The following APBA2 variants were observed in gnomAD, a reference collection of about 807,000 sequenced individuals.
APBA2 encodes the protein amyloid beta precursor protein binding family A member 2.
APBA2 carries 30 observed loss-of-function variants against 75.0 expected under a neutral mutation model. The ratio of observed to expected loss-of-function variants is 0.40; its 90% CI spans 0.30 to 0.54. The LOEUF (loss-of-function observed/expected upper bound fraction) is 0.54. APBA2 is among the 20% of genes least tolerant of loss of function. The probability of loss-of-function intolerance (pLI) is 0.49; values close to 1 mark genes in which losing one functional copy is unlikely to be tolerated. For synonymous variants in APBA2, 444 were observed against 409.6 expected, an observed-to-expected ratio of 1.08 and a Z score of -1.01; for missense variants, 801 against 1,016.1, an observed-to-expected ratio of 0.79 and a Z score of 2.88.
intron 3 of APBA2, among the ~76,000 whole-genome samples, chr15:29,017,713 C>T (rs2039745971): frequency 6.6e-6 from 1 of 152,162 alleles, no homozygotes; most frequent in South Asian, 2.1e-4. Context: ...GATAGTTCAA[C>T]GACTTTAAAT....
intron 4 of APBA2, among the ~76,000 whole-genome samples, chr15:29,059,321 G>A (rs1343013481): frequency 6.6e-6 from 1 of 152,294 alleles, no homozygotes; most frequent in Middle Eastern, 3.4e-3. Context: ...ACATGTGCTA[G>A]AGAAGCTTCC....
chr15:28,976,244 C>A (rs370509699), intron 2 of APBA2, among the ~76,000 whole-genome samples: 1 of 152,196 alleles, frequency 6.6e-6, no homozygotes. Context: ...CAGCTTGGGG[C>A]TTTTCTCTAT....
intron 3 of APBA2, among the ~76,000 whole-genome samples, chr15:29,027,724 A>G (rs1447706209): frequency 6.6e-6 from 1 of 151,108 alleles, no homozygotes; most frequent in Non-Finnish European, 1.5e-5. Flanking sequence ...GCCTCAGCCC[A>G]CCGAGTAGCT....
In APBA2 at chr15:28,914,066, T is replaced by C. The variant is rs147779839; in HGVS notation, c.-204-7574T>C. The stretch of plus-strand genomic sequence containing the variant: ...AACATTGGGTTTTTAAAAAATATTT[T>C]AGTCTTCTATTGTGTCTAGTCTGAA... On this transcript the variant is annotated intron_variant, in intron 1 of 14. Transcript: ENST00000683413. Among the ~76,000 whole-genome samples the C allele has an allele frequency of 6.2e-3, 949 of 152,360 alleles. 11 individuals carry two copies. The highest frequency in any genetic ancestry group is 0.022 in the African/African-American group (911 of 41,590).
intron 1 of APBA2, among the ~76,000 whole-genome samples, chr15:28,888,306 T>C (rs1267782276): frequency 6.6e-6 from 1 of 151,740 alleles, no homozygotes; most frequent in Non-Finnish European, 1.5e-5. Flanking sequence ...CTGAGAGGGG[T>C]GATAAGACAC....
At position 28,998,875 on chromosome 15, in the gene APBA2, G is replaced by A. The variant is rs1044720289; in HGVS notation, c.-41+3069G>A. 7.2e-5 allele frequency among the ~76,000 whole-genome samples: 11 copies of A among 152,336 alleles called. No individual in the cohort carries two copies. The East Asian group carries it at 1.5e-3, about 21-fold the overall frequency. ...AGAATTAAAGGCCTATGCCGGGCAC[G>A]GTGGTTCACACCTGTAATCCCAGCA... On this transcript the variant is annotated intron_variant, in intron 3 of 14. Coordinates refer to ENST00000683413, the MANE Select transcript of APBA2 (RefSeq NM_001353788.2).
intron 1 of APBA2, among the ~76,000 whole-genome samples, chr15:28,913,289 A>T (rs1169039922): frequency 3.3e-5 from 5 of 152,148 alleles, no homozygotes; most frequent in Non-Finnish European, 7.3e-5. Flanking sequence ...CAGTAGCTCG[A>T]GGAGCAGGCG....
At chr15:28,995,318 C>A (rs1181530458) in intron 2 of APBA2, among the ~76,000 whole-genome samples, 1 of 152,184 alleles carries the variant, frequency 6.6e-6, no homozygotes, top group Non-Finnish European at 1.5e-5. Context: ...TTCCTCTCTT[C>A]ACTTTCATCG....
intron 14 of APBA2, 61 bp downstream of exon 14, chr15:29,114,077 C>T (rs2044902330): frequency 6.2e-7 from 1 of 1,609,858 alleles, no homozygotes; most frequent in East Asian, 2.2e-5. Context: ...CGCCTGCCCT[C>T]CATGAGCCTC....
chr15:29,063,895 A>C (rs901187604), intron 4 of APBA2, among the ~76,000 whole-genome samples: 1 of 151,900 alleles, frequency 6.6e-6, no homozygotes, highest in Non-Finnish European at 1.5e-5. Context: ...AGATAGGATG[A>C]GAGGAGGACC....
At chr15:29,098,995 A>G (rs543178612) in intron 9 of APBA2, among the ~76,000 whole-genome samples, 172 of 151,918 alleles carry the variant, frequency 1.1e-3, no homozygotes, top group African/African-American at 4.0e-3. Context: ...TCCTCATCCC[A>G]TGTCTGTCCT....
At chr15:29,074,796 C>G in intron 4 of APBA2, 125 bp from the exon 5 acceptor site, 1 of 762,062 alleles carries the variant, frequency 1.3e-6, no homozygotes, top group South Asian at 1.5e-5. Flanking sequence ...CGTCTGCACA[C>G]ACACCTATAC....
chr15:29,023,118 A>G (rs60958548), intron 3 of APBA2, among the ~76,000 whole-genome samples: 13,912 of 152,092 alleles, frequency 0.091, 748 homozygotes, highest in East Asian at 0.24. Flanking sequence ...TAAAGACAGG[A>G]ATATTGTCTG....
chr15:28,972,738 C>T (rs538650089), intron 2 of APBA2, among the ~76,000 whole-genome samples: 1 of 152,300 alleles, frequency 6.6e-6, no homozygotes, highest in African/African-American at 2.4e-5. Context: ...ATGGTCTGCC[C>T]TGGTTGCAGG....
chr15:28,993,046 G>C (rs2038318432), intron 2 of APBA2, among the ~76,000 whole-genome samples: 1 of 152,212 alleles, frequency 6.6e-6, no homozygotes, highest in Non-Finnish European at 1.5e-5. Context: ...AGGATGGAGT[G>C]ATGTGCTTGG....
At chr15:29,044,942 C>G (rs1177356272) in intron 3 of APBA2, among the ~76,000 whole-genome samples, 2 of 152,122 alleles carry the variant, frequency 1.3e-5, no homozygotes, top group African/African-American at 4.8e-5. Context: ...GGTCTGTCTG[C>G]TTTCTGGTTC....
intron 8 of APBA2, among the ~76,000 whole-genome samples, chr15:29,095,041 T>G: frequency 6.6e-6 from 1 of 151,270 alleles, no homozygotes; most frequent in Non-Finnish European, 1.5e-5. Flanking sequence ...CACTCCAGCC[T>G]GGGCGACAGA....
intron 6 of APBA2, among the ~76,000 whole-genome samples, chr15:29,080,887 C>T (rs1489860697): frequency 6.6e-6 from 1 of 152,212 alleles, no homozygotes; most frequent in African/African-American, 2.4e-5. Flanking sequence ...TTGTTCTCCT[C>T]ATCCAAAGCT....
chr15:28,933,766 C>G (rs1205819612), intron 2 of APBA2, among the ~76,000 whole-genome samples: 1 of 152,248 alleles, frequency 6.6e-6, no homozygotes, highest in African/African-American at 2.4e-5. Flanking sequence ...TCTATCCCCT[C>G]TGCCTTGTGC....
Sources: gnomAD v4.1 joint callset for allele counts (sites outside exome capture counted in the v4.1 genomes callset) on GRCh38, gnomAD v4.1.1 for gene constraint, MANE v1.5 for transcripts, NCBI Gene and HGNC (gene_info 2026-07-23, HGNC 2026-07-21) for gene names.